SBF2: variants seen among roughly 807,000 people sequenced by gnomAD.
SBF2 encodes myotubularin-related protein 13.
Under a neutral mutation model 225.2 loss-of-function variants are expected in SBF2, and 112 were observed. That is an observed-to-expected ratio of 0.50 (90% CI 0.43 to 0.58). The LOEUF is 0.58. SBF2 is among the 20% of genes least tolerant of loss of function. SBF2 has a pLI of 0.00. For missense variants in SBF2, 1,996 were observed against 2,206.2 expected (o/e 0.90, Z 1.91); for synonymous variants, 763 against 773.3 (o/e 0.99, Z 0.22).
intron 28 of SBF2, among the ~76,000 whole-genome samples, chr11:9,827,726 G>C (rs1855153529): frequency 6.6e-6 from 1 of 152,106 alleles, no homozygotes; most frequent in South Asian, 2.1e-4. Flanking sequence ...TATTTCAGAG[G>C]ACAGGAGCAA....
At chr11:10,073,744 T>C (rs1950984997) in intron 2 of SBF2, among the ~76,000 whole-genome samples, 1 of 151,894 alleles carries the variant, frequency 6.6e-6, no homozygotes, top group Non-Finnish European at 1.5e-5. Flanking sequence ...AAAAAAAAGA[T>C]TTAGGAGACC....
intron 2 of SBF2, among the ~76,000 whole-genome samples, chr11:10,088,235 G>A (rs1014540550): frequency 2.6e-5 from 4 of 151,966 alleles, no homozygotes; most frequent in African/African-American, 9.7e-5. Context: ...ATGTTGCCCA[G>A]GCTGGTCTCA....
At chr11:10,183,323 C>T (rs1448131169) in intron 2 of SBF2, among the ~76,000 whole-genome samples, 2 of 152,138 alleles carry the variant, frequency 1.3e-5, no homozygotes, top group Non-Finnish European at 2.9e-5. Flanking sequence ...GCCCAAGTAG[C>T]ATCCAAAGAT....
At chr11:10,190,605 T>C (rs181531755) in intron 2 of SBF2, among the ~76,000 whole-genome samples, 1 of 152,324 alleles carries the variant, frequency 6.6e-6, no homozygotes, top group Non-Finnish European at 1.5e-5. Flanking sequence ...AAAATCCTTT[T>C]CCACCAGTTG....
At chr11:10,164,072 C>T (rs1955856230) in intron 2 of SBF2, among the ~76,000 whole-genome samples, 1 of 152,262 alleles carries the variant, frequency 6.6e-6, no homozygotes, top group Non-Finnish European at 1.5e-5. Context: ...ACTTTTGGTG[C>T]CTCAGTGCAT....
intron 16 of SBF2, among the ~76,000 whole-genome samples, chr11:9,903,301 G>A (rs369051506): frequency 7.9e-5 from 12 of 151,870 alleles, no homozygotes; most frequent in African/African-American, 2.9e-4. Flanking sequence ...CAGCCTGGGC[G>A]ACAGAGCAAG....
chr11:10,279,866 G>T (rs576806994), intron 1 of SBF2, among the ~76,000 whole-genome samples: 14 of 151,912 alleles, frequency 9.2e-5, no homozygotes, highest in African/African-American at 3.4e-4. Context: ...TGTCAGGCTG[G>T]TCTCGAACTT....
chr11:9,781,564 G>A lies in SBF2; in HGVS notation c.5394C>T (p.Ile1798=). 1 of 1,614,246 alleles carries A rather than the reference G, an allele frequency of 6.2e-7. No homozygotes were observed. ...HIDLAEVEMV[I]PAGPSMGAPK... ...GGGCTCCCATGCTGGGGCCAGCAGG[G>A]ATGACCATTTCTACTTCAGCCAGAT... The change falls in exon 39 of 40, where the codon ATC becomes ATT. Residue 1798 remains isoleucine (I), a synonymous_variant. Coordinates refer to ENST00000256190, the MANE Select transcript of SBF2 (RefSeq NM_030962.4).
chr11:9,920,680 A>AAG (rs1338847075), intron 16 of SBF2, among the ~76,000 whole-genome samples: 2 of 152,158 alleles, frequency 1.3e-5, no homozygotes, highest in Non-Finnish European at 2.9e-5. Context: ...TAGCCCTTCA[A>AAG]AGTACTGGTT....
chr11:10,213,291 C>T (rs1419570554), intron 1 of SBF2, among the ~76,000 whole-genome samples: 1 of 152,076 alleles, frequency 6.6e-6, no homozygotes, highest in Non-Finnish European at 1.5e-5. Context: ...ATAAATCCAC[C>T]CCAACTTTCC....
At chr11:10,259,200 G>C (rs1389214117) in intron 1 of SBF2, among the ~76,000 whole-genome samples, 1 of 152,176 alleles carries the variant, frequency 6.6e-6, no homozygotes, top group Non-Finnish European at 1.5e-5. Flanking sequence ...CAGGTGTTAA[G>C]AGCACAGGTT....
chr11:9,913,292 G>A (rs1179992384), intron 16 of SBF2, among the ~76,000 whole-genome samples: 1 of 152,114 alleles, frequency 6.6e-6, no homozygotes, highest in African/African-American at 2.4e-5. Flanking sequence ...CAAACAAAAT[G>A]AGAAAACTAG....
chr11:9,895,939 T>C lies in SBF2; in HGVS notation c.1929+4A>G, dbSNP rs1216779529. 11 of 1,602,552 alleles carry C rather than the reference T, an allele frequency of 6.9e-6. No individual in the cohort carries two copies. The highest frequency in any genetic ancestry group is 1.3e-5 in the African/African-American group (1 of 74,676). ...AAGCTTATATATGGACCAATGAAAC[T>C]TACCCTATAGAAAGCACTGGTCAAA... On this transcript the variant is annotated splice_donor_region_variant and intron_variant, in intron 17 of 39. Transcript: ENST00000256190.
At chr11:10,290,421 G>A (rs951064096) in intron 1 of SBF2, among the ~76,000 whole-genome samples, 1 of 152,092 alleles carries the variant, frequency 6.6e-6, no homozygotes, top group African/African-American at 2.4e-5. Context: ...TCTGAGTGGG[G>A]TACGAAGTGT....
rs113808809 is a variant in SBF2, at chr11:9,933,251, G to A, written c.1860+28706C>T. Among the ~76,000 whole-genome samples the A allele has an allele frequency of 3.3e-3, 322 of 98,146 alleles. 1 individual carries two copies. Among genetic ancestry groups the A allele is most frequent in the Non-Finnish European group, 7.7e-3 (264 of 34,366 alleles). 64.4% of individuals were successfully genotyped at this position (98,146 alleles called of 152,430 possible). A position where few individuals can be genotyped will look rare whatever the true frequency, so the allele number is the denominator to read the frequency against. ...CACTGTCTATATTACACAGATCAAC[G>A]AGACAGAAGGTTAACAAGGATATCC... On this transcript the variant is annotated intron_variant, in intron 16 of 39. Coordinates refer to ENST00000256190, the MANE Select transcript of SBF2 (RefSeq NM_030962.4).
intron 2 of SBF2, among the ~76,000 whole-genome samples, chr11:10,155,698 T>C (rs2135188325): frequency 6.6e-6 from 1 of 152,378 alleles, no homozygotes; most frequent in South Asian, 2.1e-4. Context: ...TAAAATAAAG[T>C]AACATTTTAA....
rs535046225 is a variant in SBF2 at position 9,792,570 on chromosome 11, G to A, written c.4571-1887C>T. ...GGTTTCACTGTAGGCCTGATAACGAGTGCATCTACCAGAACACAAGAAGGA... is the reference window on the plus strand; with the variant it reads ...GGTTTCACTGTAGGCCTGATAACGAATGCATCTACCAGAACACAAGAAGGA... On this transcript the variant is annotated intron_variant, in intron 33 of 39. Coordinates refer to ENST00000256190, the MANE Select transcript of SBF2 (RefSeq NM_030962.4). Among the ~76,000 whole-genome samples, 502 of 152,272 alleles carry A rather than the reference G, an allele frequency of 3.3e-3. 3 individuals carry two copies. Among genetic ancestry groups the A allele is most frequent in the South Asian group, 4.6e-3 (22 of 4,822 alleles).
At chr11:10,089,518 T>G (rs1425932342) in intron 2 of SBF2, among the ~76,000 whole-genome samples, 1 of 152,176 alleles carries the variant, frequency 6.6e-6, no homozygotes, top group African/African-American at 2.4e-5. Flanking sequence ...TTTTTCTCTA[T>G]TCCCTGACTT....
chr11:9,850,775 T>A (rs1856867545), intron 21 of SBF2, among the ~76,000 whole-genome samples: 1 of 152,174 alleles, frequency 6.6e-6, no homozygotes, highest in Admixed American at 6.5e-5. Context: ...ATATCTGAAA[T>A]ATTCATTCAA....
Sources: gnomAD v4.1 joint callset for allele counts (sites outside exome capture counted in the v4.1 genomes callset) on GRCh38, gnomAD v4.1.1 for gene constraint, MANE v1.5 for transcripts, NCBI Gene and HGNC (gene_info 2026-07-23, HGNC 2026-07-21) for gene names.